BNC2: variants seen among roughly 807,000 people sequenced by gnomAD.
BNC2 encodes zinc finger protein basonuclin-2.
BNC2 carries 20 observed loss-of-function variants against 76.3 expected under a neutral mutation model. The ratio of observed to expected loss-of-function variants is 0.26; its 90% CI spans 0.18 to 0.38. BNC2 has a LOEUF of 0.38. BNC2 is among the 10% of genes least tolerant of loss of function. The probability of loss-of-function intolerance (pLI) is 1.00; values close to 1 mark genes in which losing one functional copy is unlikely to be tolerated. For synonymous variants in BNC2, 582 were observed against 514.8 expected (o/e 1.13, Z -1.77); for missense variants, 1,382 against 1,399.8 (o/e 0.99, Z 0.20).
chr9:16,491,784 G>A (rs1227553066), intron 5 of BNC2, among the ~76,000 whole-genome samples: 1 of 152,134 alleles, frequency 6.6e-6, no homozygotes, highest in African/African-American at 2.4e-5. Context: ...CTCTTTTTAA[G>A]TTATACAGAA....
At chr9:16,699,121 G>C in intron 3 of BNC2, 3 of 450,348 alleles carry the variant, frequency 6.7e-6, no homozygotes, top group South Asian at 3.3e-5. Flanking sequence ...TTCTGTTTTT[G>C]TTTTTGTTTT....
At chr9:16,442,543 T>C (rs1186292442) in intron 5 of BNC2, among the ~76,000 whole-genome samples, 1 of 152,150 alleles carries the variant, frequency 6.6e-6, no homozygotes, top group Non-Finnish European at 1.5e-5. Flanking sequence ...GGTTGATTGG[T>C]TTCCCTTATT....
chr9:16,581,642 T>G (rs898364581), intron 4 of BNC2, among the ~76,000 whole-genome samples: 3 of 152,132 alleles, frequency 2.0e-5, no homozygotes, highest in African/African-American at 7.2e-5. Flanking sequence ...GGATATAAAT[T>G]TCTGCTCTCT....
At chr9:16,687,443 T>C (rs962275388) in intron 3 of BNC2, among the ~76,000 whole-genome samples, 2 of 152,156 alleles carry the variant, frequency 1.3e-5, no homozygotes, top group Non-Finnish European at 2.9e-5. Flanking sequence ...GCACTGTGCA[T>C]TTGTGTTGTG....
At chr9:16,459,860 T>C (rs1338565875) in intron 5 of BNC2, among the ~76,000 whole-genome samples, 6 of 152,208 alleles carry the variant, frequency 3.9e-5, no homozygotes, top group African/African-American at 1.2e-4. Context: ...AAACCACAGA[T>C]TGCACAGACT....
At chr9:16,858,277 G>A (rs540002657) in intron 1 of BNC2, among the ~76,000 whole-genome samples, 7 of 152,158 alleles carry the variant, frequency 4.6e-5, no homozygotes, top group East Asian at 3.9e-4. Flanking sequence ...CTTATCATAC[G>A]GAACACCTAG....
chr9:16,459,532 A>G (rs1821528683), intron 5 of BNC2, among the ~76,000 whole-genome samples: 1 of 152,176 alleles, frequency 6.6e-6, no homozygotes, highest in African/African-American at 2.4e-5. Context: ...CCTATTTGTA[A>G]AAGTCCCTGA....
At chr9:16,496,487 C>G (rs1822392215) in intron 5 of BNC2, among the ~76,000 whole-genome samples, 1 of 152,136 alleles carries the variant, frequency 6.6e-6, no homozygotes, top group Non-Finnish European at 1.5e-5. Flanking sequence ...GCACAATTAC[C>G]TTAATGTCAG....
At chr9:16,788,520 TCCA>T (rs1826372352) in intron 1 of BNC2, among the ~76,000 whole-genome samples, 1 of 134,316 alleles carries the variant, frequency 7.4e-6, no homozygotes, top group Non-Finnish European at 1.5e-5. Context: ...GCCACTGCAC[TCCA>T]CCCTGGGCGA....
At chr9:16,836,688 G>C (rs1338530859) in intron 1 of BNC2, among the ~76,000 whole-genome samples, 1 of 151,918 alleles carries the variant, frequency 6.6e-6, no homozygotes, top group South Asian at 2.1e-4. Flanking sequence ...TGCTAATCAC[G>C]AATTTTAAAG....
intron 1 of BNC2, among the ~76,000 whole-genome samples, chr9:16,773,544 A>G (rs1221758477): frequency 6.6e-6 from 1 of 151,602 alleles, no homozygotes; most frequent in African/African-American, 2.4e-5. Flanking sequence ...GGGACAGTGC[A>G]ATAATAATAA....
intron 1 of BNC2, among the ~76,000 whole-genome samples, chr9:16,758,387 T>C (rs1009382987): frequency 6.6e-6 from 1 of 152,036 alleles, no homozygotes; most frequent in Non-Finnish European, 1.5e-5. Context: ...TCGCCCAGGC[T>C]GGAGTGCAGT....
At chr9:16,594,403 C>A (rs1820010967) in intron 3 of BNC2, among the ~76,000 whole-genome samples, 1 of 152,114 alleles carries the variant, frequency 6.6e-6, no homozygotes, top group Non-Finnish European at 1.5e-5. Context: ...TCCTCTAAAT[C>A]TTTACCCTCT....
chr9:16,624,741 TA>T (rs1043473646), intron 3 of BNC2, among the ~76,000 whole-genome samples: 1 of 152,132 alleles, frequency 6.6e-6, no homozygotes, highest in African/African-American at 2.4e-5. Context: ...GTCATGTTTT[TA>T]AAAAAAATCA....
chr9:16,765,932 G>A (rs529784750), intron 1 of BNC2, among the ~76,000 whole-genome samples: 2 of 152,068 alleles, frequency 1.3e-5, no homozygotes, highest in South Asian at 2.1e-4. Context: ...GACTACAGGC[G>A]CTCGCCACCA....
chr9:16,475,766 G>T (rs1448511378), intron 5 of BNC2, among the ~76,000 whole-genome samples: 1 of 152,166 alleles, frequency 6.6e-6, no homozygotes, highest in Admixed American at 6.5e-5. Flanking sequence ...TCAAAGAAAA[G>T]TCTCCAAACT....
intron 5 of BNC2, among the ~76,000 whole-genome samples, chr9:16,511,035 G>A (rs1208834615): frequency 2.0e-5 from 3 of 151,818 alleles, no homozygotes; most frequent in Non-Finnish European, 4.4e-5. Context: ...GGCAAAACTT[G>A]GAATAGCCAC....
At chr9:16,629,220 G>C (rs1821089832) in intron 3 of BNC2, among the ~76,000 whole-genome samples, 1 of 152,168 alleles carries the variant, frequency 6.6e-6, no homozygotes, top group Non-Finnish European at 1.5e-5. Context: ...ATGTTGTAAA[G>C]ATGCTTGATT....
intron 1 of BNC2, among the ~76,000 whole-genome samples, chr9:16,851,640 A>G (rs946954547): frequency 6.6e-6 from 1 of 152,234 alleles, no homozygotes; most frequent in Non-Finnish European, 1.5e-5. Flanking sequence ...ATAGCAATGA[A>G]TTCTATGGTA....
Sources: allele counts gnomAD v4.1 joint callset (sites outside exome capture counted in the v4.1 genomes callset), GRCh38; gene constraint gnomAD v4.1.1; transcripts MANE v1.5; gene names NCBI Gene and HGNC (gene_info 2026-07-23, HGNC 2026-07-21).